The following GPS2 variants were observed in gnomAD, a reference collection of about 807,000 sequenced individuals.
GPS2 encodes G protein pathway suppressor 2, also known as GPS-2.
A neutral mutation model predicts 48.1 loss-of-function variants in GPS2; 22 were observed. That is an observed-to-expected ratio of 0.46 (90% confidence interval 0.33 to 0.65). The LOEUF (loss-of-function observed/expected upper bound fraction) is 0.65, where lower values mean the gene tolerates loss of function less well. GPS2 is among the 30% of genes least tolerant of loss of function. The pLI, the probability that GPS2 is intolerant of heterozygous loss-of-function variation, is 0.03. For missense variants in GPS2, 366 were observed against 406.8 expected (o/e 0.90, Z 0.86); for synonymous variants, 202 against 142.5 (o/e 1.42, Z -2.98).
At position 7,314,128 on chromosome 17, in the gene GPS2, G is replaced by A; in HGVS notation, c.349C>T (p.Gln117Ter). ...CCTGTGTGAACAGTCAGGCTCTGCT[G>A]GTATGCAGCTGATGTTAGGGTGGTC... ...DLTTLTSAAY[Q>*]QSLTVHTGTH... is the part of the protein sequence containing the mutation. Residue 117 changes from glutamine (Q) to a stop codon, truncating the protein, a stop_gained, in exon 5 of 11, where the codon CAG becomes TAG. Coordinates refer to ENST00000380728, the MANE Select transcript of GPS2 (RefSeq NM_004489.5). LOFTEE classifies it high-confidence loss of function. The A allele has an allele frequency of 1.2e-6, 2 of 1,614,060 alleles. No homozygotes were observed. The highest frequency in any genetic ancestry group is 1.7e-6 in the Non-Finnish European group (2 of 1,179,952).
chr17:7,313,948 T>C lies in GPS2; in HGVS notation c.438A>G (p.Ala146=), dbSNP rs2072901220. ...GGHNRPGTLM[A]ADRAKQMFGP... ...CAAACATTTGTTTGGCTCTGTCAGC[T>C]GCCATGAGGGTGCCTGGGCGATTGT... The change falls in exon 6 of 11, where the codon GCA becomes GCG. Residue 146 remains alanine (A), a synonymous_variant. Transcript: ENST00000380728. 1.2e-6 allele frequency: 2 copies of C among 1,614,018 alleles called. No homozygotes were observed. The highest frequency in any genetic ancestry group is 1.1e-5 in the South Asian group (1 of 91,078).
Position 7,313,301 on chromosome 17 carries a change from G to C in GPS2, c.725-10C>G. On this transcript the variant is annotated splice_polypyrimidine_tract_variant and intron_variant, in intron 8 of 10. Coordinates refer to ENST00000380728, the MANE Select transcript of GPS2 (RefSeq NM_004489.5). ...CCAGGCTGGAGGAAACCTAGGTGGG[G>C]AAGAGGGGCATGTGAGATGAGAATG... The C allele has an allele frequency of 6.2e-7, 1 of 1,613,634 alleles. No individual in the cohort carries two copies. The highest frequency in any genetic ancestry group is 8.5e-7 in the Non-Finnish European group (1 of 1,179,540).
intron 2 of GPS2, 162 bp downstream of exon 2, chr17:7,314,797 T>C: frequency 7.8e-7 from 1 of 1,285,984 alleles, no homozygotes; most frequent in Non-Finnish European, 1.1e-6. Context: ...TCAAGGGTTC[T>C]GGAGCGTGGA....
In GPS2 at chr17:7,314,418, G is replaced by A. The variant is rs769928378; in HGVS notation, c.205-15C>T. Reference sequence around the variant, plus strand: ...AACTTCAGAATCTGGGATGGGGTGGGAAAAGAAGATGAAGGCAGGGAGAGT... The same window carrying A: ...AACTTCAGAATCTGGGATGGGGTGGAAAAAGAAGATGAAGGCAGGGAGAGT... On this transcript the variant is annotated splice_polypyrimidine_tract_variant and intron_variant, in intron 3 of 10. Coordinates refer to ENST00000380728, the MANE Select transcript of GPS2 (RefSeq NM_004489.5). 5 of 1,614,144 alleles carry A rather than the reference G, an allele frequency of 3.1e-6. No individual in the cohort carries two copies. Among genetic ancestry groups the A allele is most frequent in the South Asian group, 2.2e-5 (2 of 91,084 alleles).
chr17:7,312,787 T>G lies in GPS2; in HGVS notation c.953A>C (p.His318Pro). 6.2e-7 allele frequency: 1 copy of G among 1,614,026 alleles called. No individual in the cohort carries two copies. The change falls in exon 11 of 11, where the codon CAC becomes CCC. Residue 318 changes from histidine (H) to proline (P), a missense_variant. Physicochemically the swap from His to Pro is moderately conservative, Grantham distance 77. This residue lies in a region of GPS2 where 275 missense variants were observed against 282.3 expected (regional missense o/e 0.97). Coordinates refer to ENST00000380728, the MANE Select transcript of GPS2 (RefSeq NM_004489.5). ...QPGPRLPFIQ[H>P]SQNPRFYHK Reference sequence around the variant, plus strand: ...GTGGTAGAATCGCGGGTTCTGGCTGTGTTGGATGAAGGGGAGCCGAGGGCC... The same window carrying G: ...GTGGTAGAATCGCGGGTTCTGGCTGGGTTGGATGAAGGGGAGCCGAGGGCC...
Position 7,315,080 on chromosome 17 carries a change from G to A in GPS2, c.-28C>T. The A allele has an allele frequency of 1.3e-6, 2 of 1,540,580 alleles. No individual in the cohort carries two copies. Among genetic ancestry groups the A allele is most frequent in the African/African-American group, 1.4e-5 (1 of 71,616 alleles). ...TGCTGCCGTGGGCGCTCGGGCCGTGGGCGCCCGGCTGTCTCTGACTGCCAG... is the reference window on the plus strand; with the variant it reads ...TGCTGCCGTGGGCGCTCGGGCCGTGAGCGCCCGGCTGTCTCTGACTGCCAG... On this transcript the variant is annotated 5_prime_UTR_variant, in exon 2 of 11. Coordinates refer to ENST00000380728, the MANE Select transcript of GPS2 (RefSeq NM_004489.5).
Position 7,312,753 on chromosome 17 carries a change from T to C in GPS2, c.*3A>G, listed in dbSNP as rs1181379634. Reference sequence around the variant, plus strand: ...GTGTGGTGTTGAAGATATAATCTGATGGTCACTTGTGGTAGAATCGCGGGT... The same window carrying C: ...GTGTGGTGTTGAAGATATAATCTGACGGTCACTTGTGGTAGAATCGCGGGT... On this transcript the variant is annotated 3_prime_UTR_variant, in exon 11 of 11. Coordinates refer to ENST00000380728, the MANE Select transcript of GPS2 (RefSeq NM_004489.5). The C allele has an allele frequency of 2.5e-6, 4 of 1,611,270 alleles. No individual in the cohort carries two copies. The highest frequency in any genetic ancestry group is 3.4e-6 in the Non-Finnish European group (4 of 1,177,458).
At position 7,312,784 on chromosome 17, in the gene GPS2, C is replaced by T. The variant is rs1567614985; in HGVS notation, c.956G>A (p.Ser319Asn). The change falls in exon 11 of 11, where the codon AGC becomes AAC. Residue 319 changes from serine to asparagine, a missense_variant. Coordinates refer to ENST00000380728, the MANE Select transcript of GPS2 (RefSeq NM_004489.5). ...PGPRLPFIQH[S>N]QNPRFYHK ...CTTGTGGTAGAATCGCGGGTTCTGG[C>T]TGTGTTGGATGAAGGGGAGCCGAGG... 6.2e-7 allele frequency: 1 copy of T among 1,614,054 alleles called. No individual in the cohort carries two copies. The highest frequency in any genetic ancestry group is 1.1e-5 in the South Asian group (1 of 91,074).
chr17:7,313,738 A>G lies in GPS2; in HGVS notation c.481-17T>C. 1 of 1,612,554 alleles carries G rather than the reference A, an allele frequency of 6.2e-7. No individual in the cohort carries two copies. Among genetic ancestry groups the G allele is most frequent in the South Asian group, 1.1e-5 (1 of 90,988 alleles). On this transcript the variant is annotated splice_polypyrimidine_tract_variant and intron_variant, in intron 6 of 10. Coordinates refer to ENST00000380728, the MANE Select transcript of GPS2 (RefSeq NM_004489.5). ...GTGCCGGGTCTAAGGAAGGAGAATGAGAACTCGCCTACAAACTCCTTGAAA... is the reference window on the plus strand; with the variant it reads ...GTGCCGGGTCTAAGGAAGGAGAATGGGAACTCGCCTACAAACTCCTTGAAA...
At chr17:7,313,333 G>C in intron 8 of GPS2, 42 bp from the exon 9 acceptor site, 2 of 1,611,114 alleles carry the variant, frequency 1.2e-6, no homozygotes, top group Non-Finnish European at 1.7e-6. Flanking sequence ...AATGAAACAG[G>C]GAGGGGAGGA....
chr17:7,314,716 G>A (rs919981783), intron 2 of GPS2, 119 bp from the exon 3 acceptor site: 16 of 1,559,808 alleles, frequency 1.0e-5, no homozygotes, highest in South Asian at 2.3e-5. Flanking sequence ...TGCCTCGAGG[G>A]GACAAGCTCC....
rs2072925468 is a variant in GPS2 at position 7,315,353 on chromosome 17, G to C, written c.-90C>G. On this transcript the variant is annotated 5_prime_UTR_variant, in exon 1 of 11. Coordinates refer to ENST00000380728, the MANE Select transcript of GPS2 (RefSeq NM_004489.5). ...TACCCGCCTTCTCTGCGCTTTCTCA[G>C]CGGCTCCGACGCGCCCTGGCCCCTG... 2.5e-6 allele frequency: 1 copy of C among 394,996 alleles called. No individual in the cohort carries two copies. Among genetic ancestry groups the C allele is most frequent in the Non-Finnish European group, 4.5e-6 (1 of 224,294 alleles). 24.5% of individuals were successfully genotyped at this position (394,996 alleles called of 1,614,324 possible).
rs1472008794 is a variant in GPS2 at position 7,313,552 on chromosome 17, C to T, written c.634+16G>A. 42 of 1,613,248 alleles carry T rather than the reference C, an allele frequency of 2.6e-5. No individual in the cohort carries two copies. The highest frequency in any genetic ancestry group is 3.1e-5 in the Non-Finnish European group (37 of 1,179,474). On this transcript the variant is annotated intron_variant, in intron 7 of 10. Coordinates refer to ENST00000380728, the MANE Select transcript of GPS2 (RefSeq NM_004489.5). Reference sequence around the variant, plus strand: ...GACCTTGAGGAAGGCCAAGCCCCATCCCTCCTATTACTCACCTCTGAGCTG... The same window carrying T: ...GACCTTGAGGAAGGCCAAGCCCCATTCCTCCTATTACTCACCTCTGAGCTG...
In GPS2 at chr17:7,314,222, C is replaced by A. The variant is rs1270123917; in HGVS notation, c.318-63G>T. 9.4e-6 allele frequency: 15 copies of A among 1,594,688 alleles called. No homozygotes were observed. In the Admixed American group the frequency reaches 2.3e-4, roughly 25 times the overall value. ...ATGCCTTCTCTTTTGCCATTAAACA[C>A]TGGTTCTTTTACTACCTGATCCCAG... On this transcript the variant is annotated intron_variant, in intron 4 of 10. Transcript: ENST00000380728.
intron 2 of GPS2, 70 bp from the exon 3 acceptor site, chr17:7,314,667 C>G: frequency 6.2e-7 from 1 of 1,605,936 alleles, no homozygotes; most frequent in Admixed American, 1.7e-5. Flanking sequence ...GATTGAAGAC[C>G]AGCAAAACCC....
chr17:7,313,169 T>G, intron 9 of GPS2, 43 bp downstream of exon 9: 1 of 1,609,804 alleles, frequency 6.2e-7, no homozygotes, highest in Non-Finnish European at 8.5e-7. Flanking sequence ...GAAGCTCCCC[T>G]TAACATATCC....
rs764591627 is a variant in GPS2 at position 7,313,585 on chromosome 17, G to A, written c.617C>T (p.Pro206Leu). The A allele has an allele frequency of 1.2e-6, 2 of 1,614,040 alleles. No individual in the cohort carries two copies. Among genetic ancestry groups the A allele is most frequent in the Admixed American group, 1.7e-5 (1 of 60,012 alleles). ...HYGPTQPAYSPSQQLRAPSAF... is the reference protein window; with the variant it reads ...HYGPTQPAYSLSQQLRAPSAF... ...TTACTCACCTCTGAGCTGCTGACTA[G>A]GACTATAAGCTGGCTGTGTGGGCCC... Residue 206 changes from proline to leucine, a missense_variant, in exon 7 of 11, where the codon CCT becomes CTT. By Grantham distance (98) the Pro-to-Leu change is moderately conservative (BLOSUM62 -3). Transcript: ENST00000380728.
Position 7,313,442 on chromosome 17 carries a change from T to A in GPS2, c.662A>T (p.Tyr221Phe), listed in dbSNP as rs760722898. ...GGGCTGTGGCTGTGGCTGAGATAGG[T>A]ACTGCACTGCAGGGAATGCCGAAGG... is the stretch of plus-strand genomic sequence containing the variant. ...RAPSAFPAVQYLSQPQPQPYA... is the reference protein window; with the variant it reads ...RAPSAFPAVQFLSQPQPQPYA... Residue 221 changes from tyrosine (Y) to phenylalanine (F), a missense_variant, in exon 8 of 11, where the codon TAC becomes TTC. Physicochemically the swap from Tyr to Phe is conservative, Grantham distance 22 (BLOSUM62 3). Transcript: ENST00000380728. The A allele has an allele frequency of 2.5e-6, 4 of 1,614,062 alleles. No homozygotes were observed. The Admixed American group carries it at 5.0e-5, about 20-fold the overall frequency.
rs2143010330 is a variant in GPS2 at position 7,313,380 on chromosome 17, C to T, written c.724G>A (p.Gly242Ser). ...GAGCTCCTGCATGGGATGTTATCAC[C>T]TGTCTGAGTGGGCTGAAAGTGGCCA... is the stretch of plus-strand genomic sequence containing the variant. ...VHGHFQPTQT[G>S]FLQPGGALSL... The change falls in exon 8 of 11, where the codon GGT becomes AGT. Residue 242 changes from glycine (G) to serine (S), a missense_variant and splice_region_variant. Around this residue, in one of 3 missense-constraint regions of GPS2, gnomAD observed 275 missense variants for 282.3 expected, o/e 0.97. Transcript: ENST00000380728. The T allele has an allele frequency of 6.2e-7, 1 of 1,613,918 alleles. No individual in the cohort carries two copies. Among genetic ancestry groups the T allele is most frequent in the Non-Finnish European group, 8.5e-7 (1 of 1,179,810 alleles).
Sources: allele counts gnomAD v4.1 joint callset, GRCh38; gene constraint gnomAD v4.1.1; regional missense constraint gnomAD v4.1.1; transcripts MANE v1.5; gene names NCBI Gene and HGNC (gene_info 2026-07-23, HGNC 2026-07-21).